STRN3: variants seen among roughly 807,000 people sequenced by gnomAD.
STRN3 encodes striatin 3.
Under a neutral mutation model 95.6 loss-of-function variants are expected in STRN3, and 29 were observed. The ratio of observed to expected loss-of-function variants is 0.30; its 90% confidence interval spans 0.23 to 0.41. The LOEUF is 0.41. STRN3 is among the 10% of genes least tolerant of loss of function. The probability of loss-of-function intolerance (pLI) is 1.00; values close to 1 mark genes in which losing one functional copy is unlikely to be tolerated. For synonymous variants in STRN3, 331 were observed against 357.6 expected, an observed-to-expected ratio of 0.93 and a Z score of 0.84; for missense variants, 890 against 972.1, an observed-to-expected ratio of 0.92 and a Z score of 1.12.
At chr14:30,932,776 GT>G in intron 7 of STRN3, among the ~76,000 whole-genome samples, 1 of 152,226 alleles carries the variant, frequency 6.6e-6, no homozygotes, top group African/African-American at 2.4e-5. Context: ...AAATTCCTGA[GT>G]TTTTTCTTTA....
intron 1 of STRN3, among the ~76,000 whole-genome samples, chr14:31,023,552 C>T (rs991916853): frequency 1.3e-5 from 2 of 152,060 alleles, no homozygotes; most frequent in Non-Finnish European, 2.9e-5. Flanking sequence ...TGAAACTATT[C>T]AATAATTAAC....
chr14:30,983,046 A>T (rs938051527), intron 1 of STRN3, among the ~76,000 whole-genome samples: 3 of 152,230 alleles, frequency 2.0e-5, no homozygotes, highest in African/African-American at 7.2e-5. Context: ...TTGTTCACTG[A>T]TATATTCTTA....
intron 1 of STRN3, among the ~76,000 whole-genome samples, chr14:31,019,890 T>TTG (rs1883422141): frequency 6.6e-6 from 1 of 151,416 alleles, no homozygotes; most frequent in Non-Finnish European, 1.5e-5. Flanking sequence ...CATTTTCTTT[T>TTG]TTTTTTTTTT....
chr14:30,905,443 C>A lies in STRN3; in HGVS notation c.2004G>T (p.Val668=), dbSNP rs947800617. 4.4e-6 allele frequency: 7 copies of A among 1,603,678 alleles called. No homozygotes were observed. The highest frequency in any genetic ancestry group is 5.9e-6 in the Non-Finnish European group (7 of 1,176,550). The change falls in exon 15 of 18, where the codon GTG becomes GTT. Residue 668 remains valine, a synonymous_variant. Transcript: ENST00000357479. The stretch of plus-strand genomic sequence containing the variant: ...CAGAATCTACCTGTGATGAAAGTAT[C>A]ACCAATGACTGTGATGTTTCTAAAT... The part of the protein sequence containing the change: ...IYDLETSQSL[V]ILSSQVDSGL...
chr14:30,917,073 A>C (rs1202877676), intron 9 of STRN3, among the ~76,000 whole-genome samples: 1 of 152,210 alleles, frequency 6.6e-6, no homozygotes, highest in East Asian at 1.9e-4. Context: ...GGACTTCAAA[A>C]GTAAAGAAGG....
At position 30,933,280 on chromosome 14, in the gene STRN3, T is replaced by TTGAAA. The variant is rs1555317709; in HGVS notation, c.988+1882_988+1883insTTTCA. On this transcript the variant is annotated intron_variant, in intron 7 of 17. Transcript: ENST00000357479. Reference sequence around the variant, plus strand: ...GGCAATAAAGCGAGACCCTGTTTCATAAAAAAAAAAAAAAAAAAAAAAAAA... The same window carrying TTGAAA: ...GGCAATAAAGCGAGACCCTGTTTCATTGAAAAAAAAAAAAAAAAAAAAAAAAAAAA... Among the ~76,000 whole-genome samples, 2 of 22,776 alleles carry TTGAAA rather than the reference T, an allele frequency of 8.8e-5. 1 individual carries two copies. Among genetic ancestry groups the TTGAAA allele is most frequent in the African/African-American group, 3.0e-4 (2 of 6,644 alleles). 14.9% of individuals were successfully genotyped at this position (22,776 alleles called of 152,430 possible).
intron 12 of STRN3, 75 bp downstream of exon 12, chr14:30,911,702 C>T (rs1896613904): frequency 1.5e-6 from 2 of 1,321,600 alleles, no homozygotes; most frequent in Non-Finnish European, 1.0e-6. Context: ...GAGAAAATTA[C>T]AAGGTTTGAG....
chr14:30,920,849 A>G (rs1038961299), intron 8 of STRN3, among the ~76,000 whole-genome samples: 1 of 152,190 alleles, frequency 6.6e-6, no homozygotes, highest in Non-Finnish European at 1.5e-5. Flanking sequence ...GATCAAAGTT[A>G]ACTAAAATCA....
chr14:30,948,164 T>C (rs754714915), intron 4 of STRN3, among the ~76,000 whole-genome samples: 5 of 152,212 alleles, frequency 3.3e-5, no homozygotes, highest in Non-Finnish European at 5.9e-5. Context: ...TTCAGGTTTC[T>C]AGCTTGGATG....
chr14:30,998,310 G>A (rs1882296308), intron 1 of STRN3, among the ~76,000 whole-genome samples: 2 of 152,164 alleles, frequency 1.3e-5, no homozygotes, highest in Non-Finnish European at 2.9e-5. Flanking sequence ...GCTGCCTGAG[G>A]TATAAGATAA....
chr14:30,902,782 A>C, intron 15 of STRN3, 139 bp from the exon 16 acceptor site: 1 of 607,592 alleles, frequency 1.6e-6, no homozygotes. Flanking sequence ...TGAGAACCAA[A>C]CAAGGACTCT....
chr14:31,010,077 A>C (rs1200170080), intron 1 of STRN3, among the ~76,000 whole-genome samples: 1 of 152,202 alleles, frequency 6.6e-6, no homozygotes, highest in Non-Finnish European at 1.5e-5. Flanking sequence ...ACTGAACTCA[A>C]GCCTGGGTGA....
At chr14:30,941,737 T>C (rs1435331370) in intron 5 of STRN3, among the ~76,000 whole-genome samples, 1 of 152,180 alleles carries the variant, frequency 6.6e-6, no homozygotes, top group African/African-American at 2.4e-5. Flanking sequence ...GCGATTCTCA[T>C]GCCTCAGCCT....
At chr14:31,017,277 A>T (rs1883284474) in intron 1 of STRN3, among the ~76,000 whole-genome samples, 1 of 151,698 alleles carries the variant, frequency 6.6e-6, no homozygotes, top group African/African-American at 2.4e-5. Flanking sequence ...AGGCAGGCAA[A>T]TCACAAGGTC....
intron 16 of STRN3, 126 bp from the exon 17 acceptor site, chr14:30,895,874 C>T (rs1896132635): frequency 2.6e-6 from 2 of 774,686 alleles, no homozygotes; most frequent in Admixed American, 3.0e-5. Flanking sequence ...GTAAAATATA[C>T]ACAACATAAA....
chr14:30,985,659 G>A (rs942492362), intron 1 of STRN3, among the ~76,000 whole-genome samples: 2 of 152,022 alleles, frequency 1.3e-5, no homozygotes, highest in African/African-American at 4.8e-5. Context: ...TCTCTTATAT[G>A]GGAAAATATA....
chr14:30,925,274 A>G (rs1469730517), intron 8 of STRN3, among the ~76,000 whole-genome samples: 1 of 152,052 alleles, frequency 6.6e-6, no homozygotes, highest in Non-Finnish European at 1.5e-5. Flanking sequence ...GATGGAGTGA[A>G]CGAGTTGGGA....
rs959248618 is a variant in STRN3 at position 30,972,645 on chromosome 14, TA to T, written c.283-16404del. ...GCAAGACTCCATCTCTACAAAAAATTAAAAAAAAAAAAATTAGCTGGGTATG... is the reference window on the plus strand; with the variant it reads ...GCAAGACTCCATCTCTACAAAAAATTAAAAAAAAAAAATTAGCTGGGTATG... On this transcript the variant is annotated intron_variant, in intron 1 of 17. Coordinates refer to ENST00000357479, the MANE Select transcript of STRN3 (RefSeq NM_001083893.2). 2.6e-3 allele frequency among the ~76,000 whole-genome samples: 369 copies of T among 142,250 alleles called. 2 individuals carry two copies. Among genetic ancestry groups the T allele is most frequent in the African/African-American group, 3.0e-3 (119 of 39,022 alleles). The allele number at this position is 142,250 out of a possible 152,430, so 93.3% of individuals were successfully genotyped here.
chr14:30,920,296 T>C (rs1054738705), intron 8 of STRN3, among the ~76,000 whole-genome samples: 8 of 152,146 alleles, frequency 5.3e-5, no homozygotes, highest in Non-Finnish European at 8.8e-5. Flanking sequence ...TGTTACGTAG[T>C]CTGAATTTCC....
Sources: gnomAD v4.1 joint callset for allele counts (sites outside exome capture counted in the v4.1 genomes callset) on GRCh38, gnomAD v4.1.1 for gene constraint, MANE v1.5 for transcripts, NCBI Gene and HGNC (gene_info 2026-07-23, HGNC 2026-07-21) for gene names.